CAGE1: variants seen among roughly 807,000 people sequenced by gnomAD.
CAGE1 encodes cancer-associated gene 1 protein.
Under a neutral mutation model 94.9 loss-of-function variants are expected in CAGE1, and 66 were observed. The observed-to-expected ratio is 0.70, with a 90% CI of 0.57 to 0.85. The LOEUF is 0.85. Among genes scored for constraint, CAGE1 ranks in the 40% least tolerant of loss-of-function variants. The pLI, the probability that CAGE1 is intolerant of heterozygous loss-of-function variation, is 0.00. For missense variants in CAGE1, 865 were observed against 950.4 expected, an observed-to-expected ratio of 0.91 and a Z score of 1.18; for synonymous variants, 319 against 321.0, an observed-to-expected ratio of 0.99 and a Z score of 0.07.
At chr6:7,385,014 G>T (rs1039257338) in intron 3 of CAGE1, among the ~76,000 whole-genome samples, 5 of 150,582 alleles carry the variant, frequency 3.3e-5, no homozygotes, top group East Asian at 2.0e-4. Flanking sequence ...GTTTGTTTTG[G>T]TTTTTTTTGA....
rs1760193641 is a variant in CAGE1, at chr6:7,362,352, C to T, written c.2193+3116G>A. 6.6e-6 allele frequency among the ~76,000 whole-genome samples: 1 copy of T among 152,214 alleles called. No individual in the cohort carries two copies. The highest frequency in any genetic ancestry group is 1.5e-5 in the Non-Finnish European group (1 of 68,044). On this transcript the variant is annotated intron_variant, in intron 9 of 13. Coordinates refer to ENST00000502583, the MANE Select transcript of CAGE1 (RefSeq NM_001170692.2). This position sits in a 1 kb window ranked among gnomAD's most constrained non-coding sequence, Gnocchi z 4.1. ...AACTTACTATGAGCCTCTTTGAACT[C>T]TGAACATCAGTACCATTAAGTGGAC...
chr6:7,348,618 AG>A (rs1233699659), intron 11 of CAGE1, among the ~76,000 whole-genome samples: 8 of 152,220 alleles, frequency 5.3e-5, no homozygotes, highest in Admixed American at 3.9e-4. Flanking sequence ...TAAGCTAATC[AG>A]GGAGGCACCA....
Position 7,357,520 on chromosome 6 carries a change from T to C in CAGE1, c.2194-1391A>G, listed in dbSNP as rs919258888. Among the ~76,000 whole-genome samples the C allele has an allele frequency of 2.0e-5, 3 of 152,246 alleles. No individual in the cohort carries two copies. In the South Asian group the frequency reaches 6.2e-4, roughly 32 times the overall value. On this transcript the variant is annotated intron_variant, in intron 9 of 13. Transcript: ENST00000502583. ...GCTTTCAAGATCAAAATAACAACCC[T>C]TTTAAGTCTGCAGATGGATTTTTTT...
intron 11 of CAGE1, chr6:7,341,925 G>T: frequency 2.8e-6 from 2 of 708,990 alleles, no homozygotes; most frequent in South Asian, 2.7e-5. Context: ...CCTCAATGCC[G>T]TTCGTGTCAC....
At chr6:7,345,779 G>A (rs1490794923) in intron 11 of CAGE1, among the ~76,000 whole-genome samples, 2 of 152,068 alleles carry the variant, frequency 1.3e-5, no homozygotes, top group African/African-American at 4.8e-5. Flanking sequence ...AAAAAAATTA[G>A]CTGGGCGTCG....
At chr6:7,340,198 G>C (rs1232019853) in intron 11 of CAGE1, among the ~76,000 whole-genome samples, 1 of 152,118 alleles carries the variant, frequency 6.6e-6, no homozygotes. Flanking sequence ...TCATACGTTT[G>C]TTGGCCATTT....
chr6:7,352,306 C>CAAAAAAAAAAAAAAAAAA (rs796943772), intron 11 of CAGE1, among the ~76,000 whole-genome samples: 3 of 103,976 alleles, frequency 2.9e-5, no homozygotes, highest in African/African-American at 4.3e-5. Flanking sequence ...AAAAAAAAAA[C>CAAAAAAAAAAAAAAAAAA]AAAAAAAAAC....
Position 7,374,069 on chromosome 6 carries a change from A to G in CAGE1, c.750T>C (p.Tyr250=). 1 of 1,613,986 alleles carries G rather than the reference A, an allele frequency of 6.2e-7. No individual in the cohort carries two copies. The highest frequency in any genetic ancestry group is 8.5e-7 in the Non-Finnish European group (1 of 1,179,896). The change falls in exon 5 of 14, where the codon TAT becomes TAC. Residue 250 remains tyrosine, a synonymous_variant. Transcript: ENST00000502583. ...YGEIPEMSVS[Y]EKEVTAEGVE... ...CACCCTCTGCTGTGACTTCCTTTTCATAACTGACTGACATCTCAGGAATCT... is the reference window on the plus strand; with the variant it reads ...CACCCTCTGCTGTGACTTCCTTTTCGTAACTGACTGACATCTCAGGAATCT...
chr6:7,343,361 A>C (rs770199541), intron 11 of CAGE1, among the ~76,000 whole-genome samples: 2 of 152,208 alleles, frequency 1.3e-5, no homozygotes, highest in Non-Finnish European at 2.9e-5. Context: ...ATTCTCTATG[A>C]TCAAGGTATA....
At chr6:7,329,370 G>C in intron 13 of CAGE1, 1 of 341,598 alleles carries the variant, frequency 2.9e-6, no homozygotes. Context: ...GGTAAGACTG[G>C]ATAGGAGGGC....
chr6:7,346,704 G>C (rs1244472061), intron 11 of CAGE1, among the ~76,000 whole-genome samples: 1 of 150,940 alleles, frequency 6.6e-6, no homozygotes, highest in African/African-American at 2.5e-5. Flanking sequence ...AAAAAAAATA[G>C]CCAGGTGTGG....
chr6:7,374,011 AAGAC>A lies in CAGE1; in HGVS notation c.804_807del (p.Trp268CysfsTer37). ...TCACTCCTCCAGGAAATGCCTGCCG[AAGAC>A]CAAGTTGAGACAATTTCTGGCCTCT... On this transcript the variant is annotated frameshift_variant, in exon 5 of 14. Coordinates refer to ENST00000502583, the MANE Select transcript of CAGE1 (RefSeq NM_001170692.2). LOFTEE classifies it high-confidence loss of function. 1 of 1,614,060 alleles carries A rather than the reference AAGAC, an allele frequency of 6.2e-7. No homozygotes were observed. The highest frequency in any genetic ancestry group is 8.5e-7 in the Non-Finnish European group (1 of 1,179,894).
At chr6:7,345,911 C>G (rs1451859940) in intron 11 of CAGE1, among the ~76,000 whole-genome samples, 1 of 151,930 alleles carries the variant, frequency 6.6e-6, no homozygotes, top group Non-Finnish European at 1.5e-5. Flanking sequence ...GGTGACAGAA[C>G]GAGAGTCCAT....
chr6:7,345,012 A>G (rs997041660), intron 11 of CAGE1, among the ~76,000 whole-genome samples: 1 of 152,210 alleles, frequency 6.6e-6, no homozygotes, highest in African/African-American at 2.4e-5. Flanking sequence ...GTGGGGCCAG[A>G]TAAGAGAATA....
rs1051856393 is a variant in CAGE1, at chr6:7,373,854, C to G, written c.965G>C (p.Arg322Pro). ...LKHTNRKQEV[R>P]IQELQCSNLY... is the part of the protein sequence containing the mutation. ...GTTACTACACTGGAGTTCTTGGATT[C>G]GCACTTCCTGCTTTCTGTTAGTATG... Residue 322 changes from arginine (R) to proline (P), a missense_variant, in exon 5 of 14, where the codon CGA (arginine) becomes CCA (proline). Coordinates refer to ENST00000502583, the MANE Select transcript of CAGE1 (RefSeq NM_001170692.2). The G allele has an allele frequency of 6.2e-7, 1 of 1,613,906 alleles. No homozygotes were observed.
rs910781267 is a variant in CAGE1, at chr6:7,389,384, C to T, written c.-206G>A. 2 of 453,680 alleles carry T rather than the reference C, an allele frequency of 4.4e-6. No individual in the cohort carries two copies. Among genetic ancestry groups the T allele is most frequent in the African/African-American group, 4.0e-5 (2 of 49,920 alleles). The allele number at this position is 453,680 out of a possible 1,614,324, so 28.1% of individuals were successfully genotyped here. ...GAGAACGCTTTCCAACCTCCTCCAC[C>T]AAGGACTCTCACAAACTCGCAATCG... On this transcript the variant is annotated 5_prime_UTR_variant, in exon 1 of 14. Coordinates refer to ENST00000502583, the MANE Select transcript of CAGE1 (RefSeq NM_001170692.2).
In CAGE1 at chr6:7,367,751, T is replaced by G. The variant is rs535143065; in HGVS notation, c.2004+937A>C. Among the ~76,000 whole-genome samples the G allele has an allele frequency of 5.3e-5, 8 of 152,298 alleles. No individual in the cohort carries two copies. In the South Asian group the frequency reaches 1.4e-3, roughly 28 times the overall value. On this transcript the variant is annotated intron_variant, in intron 7 of 13. Coordinates refer to ENST00000502583, the MANE Select transcript of CAGE1 (RefSeq NM_001170692.2). ...CCCGCAACACGTCAGTTCAGATAAGTGTTACAGAATGAATTTGTTATGATC... is the reference window on the plus strand; with the variant it reads ...CCCGCAACACGTCAGTTCAGATAAGGGTTACAGAATGAATTTGTTATGATC...
At chr6:7,341,430 A>G in intron 11 of CAGE1, 1 of 966,648 alleles carries the variant, frequency 1.0e-6, no homozygotes, top group South Asian at 1.3e-5. Flanking sequence ...GATAGCATGT[A>G]AATCTCATCT....
At chr6:7,341,197 T>C in intron 11 of CAGE1, 1 of 640,794 alleles carries the variant, frequency 1.6e-6, no homozygotes. Context: ...CTGGAGCAGT[T>C]GACACAGCTT....
Sources: allele counts gnomAD v4.1 joint callset (sites outside exome capture counted in the v4.1 genomes callset), GRCh38; gene constraint gnomAD v4.1.1; non-coding constraint Gnocchi (gnomAD v3.1); transcripts MANE v1.5; gene names NCBI Gene and HGNC (gene_info 2026-07-23, HGNC 2026-07-21).